USH2A: variants seen among roughly 807,000 people sequenced by gnomAD.
The protein encoded by USH2A is usherin.
A neutral mutation model predicts 538.9 loss-of-function variants in USH2A; 443 were observed. The ratio of observed to expected loss-of-function variants is 0.82; its 90% CI spans 0.76 to 0.89. USH2A has a LOEUF of 0.89. Ranked by LOEUF, USH2A falls within the 40% of genes least tolerant of loss-of-function variation. USH2A has a pLI of 0.00. For missense variants in USH2A, 6,633 were observed against 6,324.8 expected (o/e 1.05, Z -1.65); for synonymous variants, 2,413 against 2,273.5 (o/e 1.06, Z -1.75).
chr1:216,180,257 T>C (rs2034466793), intron 20 of USH2A, among the ~76,000 whole-genome samples: 1 of 152,086 alleles, frequency 6.6e-6, no homozygotes, highest in South Asian at 2.1e-4. Flanking sequence ...TTTCTAAGGA[T>C]AATATACAAA....
At chr1:216,406,120 G>T (rs992274756) in intron 3 of USH2A, among the ~76,000 whole-genome samples, 1 of 152,046 alleles carries the variant, frequency 6.6e-6, no homozygotes, top group Non-Finnish European at 1.5e-5. Context: ...TCTGCAACTC[G>T]GCTGTGGTGG....
rs530132429 is a variant in USH2A at position 216,386,350 on chromosome 1, T to C, written c.652-21265A>G. 2.1e-5 allele frequency among the ~76,000 whole-genome samples: 3 copies of C among 144,428 alleles called. No individual in the cohort carries two copies. In the South Asian group the frequency reaches 6.8e-4, roughly 33 times the overall value. 94.8% of individuals were successfully genotyped at this position (144,428 alleles called of 152,430 possible). A position where few individuals can be genotyped will look rare whatever the true frequency, so the allele number is the denominator to read the frequency against. On this transcript the variant is annotated intron_variant, in intron 3 of 71. Transcript: ENST00000307340. Reference sequence around the variant, plus strand: ...ATCTCTACTAAAAATACAAAAAATTTGCTGGTCGTGGTGGCGGGCGCCTGT... The same window carrying C: ...ATCTCTACTAAAAATACAAAAAATTCGCTGGTCGTGGTGGCGGGCGCCTGT...
intron 3 of USH2A, among the ~76,000 whole-genome samples, chr1:216,393,436 G>A (rs6664755): frequency 0.63 from 96,118 of 151,976 alleles, 31,728 homozygotes; most frequent in East Asian, 0.81. Flanking sequence ...GCTTGTGGTC[G>A]GAACACACAA....
At chr1:216,236,555 T>A (rs1177005183) in intron 13 of USH2A, among the ~76,000 whole-genome samples, 4 of 152,186 alleles carry the variant, frequency 2.6e-5, no homozygotes, top group African/African-American at 9.6e-5. Flanking sequence ...AATGGATGAA[T>A]GGGTGGATAG....
chr1:216,042,635 T>C (rs543597136), intron 32 of USH2A, among the ~76,000 whole-genome samples: 2 of 152,152 alleles, frequency 1.3e-5, no homozygotes, highest in East Asian at 1.9e-4. Flanking sequence ...AAACTGCCCA[T>C]AGAAGCTAAA....
chr1:215,730,766 T>C (rs1227915894), intron 60 of USH2A, among the ~76,000 whole-genome samples: 2 of 152,286 alleles, frequency 1.3e-5, no homozygotes, highest in African/African-American at 2.4e-5. Context: ...CATAGACACC[T>C]CTCAGTCACC....
intron 3 of USH2A, among the ~76,000 whole-genome samples, chr1:216,404,790 GTT>G (rs1176605876): frequency 1.3e-5 from 2 of 151,582 alleles, no homozygotes; most frequent in Non-Finnish European, 2.9e-5. Flanking sequence ...CTGGCTAATT[GTT>G]TTTGTATTTT....
intron 22 of USH2A, among the ~76,000 whole-genome samples, chr1:216,096,315 A>T (rs560982078): frequency 4.6e-5 from 7 of 152,206 alleles, no homozygotes; most frequent in African/African-American, 1.7e-4. Flanking sequence ...CTATTTCCTT[A>T]ATATTTGCTG....
chr1:215,749,812 A>G (rs1660573114), intron 58 of USH2A, among the ~76,000 whole-genome samples: 1 of 152,134 alleles, frequency 6.6e-6, no homozygotes, highest in Non-Finnish European at 1.5e-5. Context: ...GCCATAACAC[A>G]TTTTCTTGTT....
intron 32 of USH2A, among the ~76,000 whole-genome samples, chr1:216,010,251 C>T (rs937693615): frequency 9.8e-5 from 15 of 152,288 alleles, no homozygotes; most frequent in African/African-American, 3.1e-4. Flanking sequence ...AGGCCTTCCT[C>T]CAGAACCTCC....
At chr1:216,083,376 G>A (rs1428339102) in intron 26 of USH2A, 80 bp downstream of exon 26, 7 of 1,481,880 alleles carry the variant, frequency 4.7e-6, no homozygotes, top group African/African-American at 1.4e-5. Context: ...CCAATTAAGT[G>A]TAATGCCAAC....
chr1:216,046,905 C>A (rs1477778800), intron 31 of USH2A, among the ~76,000 whole-genome samples: 1 of 152,124 alleles, frequency 6.6e-6, no homozygotes, highest in Non-Finnish European at 1.5e-5. Flanking sequence ...GCAAATTAAG[C>A]AGATAGAGTC....
In USH2A at chr1:215,866,932, G is replaced by A; in HGVS notation, c.8845+75C>T. The A allele has an allele frequency of 2.5e-6, 4 of 1,591,356 alleles. No individual in the cohort carries two copies. The South Asian group carries it at 4.4e-5, about 18-fold the overall frequency. ...CTATCAAAATGATGTGTACATGGGG[G>A]AGGTTCATAGTAAAGAAAGAATATG... On this transcript the variant is annotated intron_variant, in intron 44 of 71. Coordinates refer to ENST00000307340, the MANE Select transcript of USH2A (RefSeq NM_206933.4).
chr1:216,361,559 A>G (rs1055708904), intron 4 of USH2A, among the ~76,000 whole-genome samples: 3 of 152,164 alleles, frequency 2.0e-5, no homozygotes, highest in African/African-American at 7.2e-5. Context: ...TATTAAGAAA[A>G]ATACAAACTG....
chr1:215,968,322 ATTGTGGGTTTTTTTTGTTGCTGTTG>A (rs1667405966), intron 36 of USH2A, among the ~76,000 whole-genome samples: 1 of 152,110 alleles, frequency 6.6e-6, no homozygotes, highest in East Asian at 1.9e-4. Flanking sequence ...CAGGAGAATC[ATTGTGGGTTTTTTTTGTTGCTGTTG>A]TTGCTGCTGT....
At chr1:216,205,585 T>C (rs903945122) in intron 16 of USH2A, among the ~76,000 whole-genome samples, 2 of 152,166 alleles carry the variant, frequency 1.3e-5, no homozygotes, top group African/African-American at 4.8e-5. Context: ...TAAAGTCAAT[T>C]AAAATGTTAA....
At chr1:215,835,079 T>C (rs1343136626) in intron 47 of USH2A, among the ~76,000 whole-genome samples, 1 of 151,342 alleles carries the variant, frequency 6.6e-6, no homozygotes, top group East Asian at 1.9e-4. Context: ...TATAATTTTT[T>C]TTCCTCACCT....
chr1:215,988,390 G>A (rs1001370991), intron 35 of USH2A, among the ~76,000 whole-genome samples: 1 of 152,120 alleles, frequency 6.6e-6, no homozygotes, highest in African/African-American at 2.4e-5. Flanking sequence ...CGAGTGATAT[G>A]CCATTGTGTA....
intron 3 of USH2A, among the ~76,000 whole-genome samples, chr1:216,407,801 A>G (rs2039420322): frequency 6.6e-6 from 1 of 152,162 alleles, no homozygotes; most frequent in Admixed American, 6.6e-5. Context: ...TTTTAGGTGA[A>G]AATGATATAA....
Sources: allele counts gnomAD v4.1 joint callset (sites outside exome capture counted in the v4.1 genomes callset), GRCh38; gene constraint gnomAD v4.1.1; transcripts MANE v1.5; gene names NCBI Gene and HGNC (gene_info 2026-07-23, HGNC 2026-07-21).